Variants in TARP observed in about 807,000 individuals in gnomAD.
the TARP span, chr7:38,265,580 G>A: frequency 2.5e-6 from 4 of 1,611,902 alleles, 1 homozygote; most frequent in African/African-American, 5.4e-5. Context: ...AATTTCTCAA[G>A]AAGACAAAGG....
the TARP span, chr7:38,259,902 T>C: frequency 6.8e-6 from 4 of 586,962 alleles, 1 homozygote; most frequent in Non-Finnish European, 1.2e-5. Flanking sequence ...TCCTCATTGT[T>C]ATTACAGAGT....
the TARP span, among the ~76,000 whole-genome samples, chr7:38,262,523 C>A: frequency 6.6e-6 from 1 of 151,606 alleles, no homozygotes; most frequent in African/African-American, 2.4e-5. Flanking sequence ...ATAGTGACTG[C>A]CACAAAGTAT....
At chr7:38,266,224 T>C in the TARP span, among the ~76,000 whole-genome samples, 1 of 151,800 alleles carries the variant, frequency 6.6e-6, no homozygotes, top group Non-Finnish European at 1.5e-5. Flanking sequence ...CAATTTCGTG[T>C]ACTCCCACTC....
the TARP span, among the ~76,000 whole-genome samples, chr7:38,261,168 C>T: frequency 6.6e-6 from 1 of 151,576 alleles, no homozygotes; most frequent in Non-Finnish European, 1.5e-5. Flanking sequence ...GTCTGCAAAG[C>T]CCATGCACCC....
At chr7:38,272,539 CA>C in the TARP span, among the ~76,000 whole-genome samples, 2 of 141,742 alleles carry the variant, frequency 1.4e-5, no homozygotes, top group Non-Finnish European at 3.0e-5. Flanking sequence ...AAACAAAAAG[CA>C]GAGAAAAATG....
chr7:38,268,890 G>T, the TARP span, among the ~76,000 whole-genome samples: 3 of 151,162 alleles, frequency 2.0e-5, no homozygotes, highest in Non-Finnish European at 2.9e-5. Context: ...CTTTACATGT[G>T]AATCCAGAAA....
the TARP span, chr7:38,273,531 C>A: frequency 7.3e-7 from 1 of 1,371,966 alleles, no homozygotes; most frequent in South Asian, 1.2e-5. Flanking sequence ...TGAGCCAGCT[C>A]CTGCCTGCCA....
chr7:38,261,221 T>C, the TARP span, among the ~76,000 whole-genome samples: 1 of 151,726 alleles, frequency 6.6e-6, no homozygotes, highest in African/African-American at 2.4e-5. Context: ...GGTTCCTGGC[T>C]TGGTAATTTC....
the TARP span, among the ~76,000 whole-genome samples, chr7:38,270,249 A>G: frequency 2.6e-5 from 4 of 152,094 alleles, no homozygotes; most frequent in South Asian, 8.3e-4. Flanking sequence ...AAAATTCAGC[A>G]TTTTGGAGTG....
the TARP span, among the ~76,000 whole-genome samples, chr7:38,266,750 C>A: frequency 6.6e-6 from 1 of 151,842 alleles, no homozygotes; most frequent in African/African-American, 2.4e-5. Flanking sequence ...CTTTATATAA[C>A]ATCTCAATTT....
the TARP span, among the ~76,000 whole-genome samples, chr7:38,261,883 A>G: frequency 5.7e-4 from 81 of 142,200 alleles, no homozygotes; most frequent in Admixed American, 5.6e-3. Context: ...AAAAAAAAAA[A>G]AAAGAAAAGA....
At chr7:38,271,548 G>GA in the TARP span, among the ~76,000 whole-genome samples, 3 of 147,714 alleles carry the variant, frequency 2.0e-5, no homozygotes, top group Admixed American at 6.8e-5. Flanking sequence ...CTGGTAAAAG[G>GA]AAAAAAAAAG....
the TARP span, among the ~76,000 whole-genome samples, chr7:38,264,934 T>C: frequency 2.9e-3 from 442 of 151,778 alleles, no homozygotes; most frequent in African/African-American, 0.01. Context: ...TGAGTGACTC[T>C]CCTGCTTGGG....
the TARP span, chr7:38,262,095 T>A: frequency 7.8e-7 from 1 of 1,285,892 alleles, no homozygotes; most frequent in South Asian, 1.2e-5. Flanking sequence ...CCTAGCAAAA[T>A]CCATTCCCTG....
chr7:38,260,614 G>T, the TARP span, among the ~76,000 whole-genome samples: 9 of 151,848 alleles, frequency 5.9e-5, no homozygotes, highest in African/African-American at 2.2e-4. Flanking sequence ...ATTATTTGAG[G>T]TTTTGCAAGA....
At chr7:38,272,524 C>T in the TARP span, among the ~76,000 whole-genome samples, 1 of 138,852 alleles carries the variant, frequency 7.2e-6, no homozygotes, top group South Asian at 2.5e-4. Flanking sequence ...CTTTGTAAAA[C>T]AAACAAACAA....
chr7:38,262,845 G>A, the TARP span, among the ~76,000 whole-genome samples: 9 of 151,306 alleles, frequency 5.9e-5, no homozygotes, highest in Non-Finnish European at 1.3e-4. Context: ...TTTTTGTAGA[G>A]ACAGGGTTTC....
chr7:38,261,043 C>A, the TARP span, among the ~76,000 whole-genome samples: 1 of 151,862 alleles, frequency 6.6e-6, no homozygotes, highest in Admixed American at 6.6e-5. Context: ...GCCTTTATCT[C>A]TTCAATAACT....
chr7:38,269,783 A>G, the TARP span, among the ~76,000 whole-genome samples: 1 of 152,040 alleles, frequency 6.6e-6, no homozygotes, highest in African/African-American at 2.4e-5. Flanking sequence ...AAATGAAACA[A>G]GATATAAAAA....
Sources: gnomAD v4.1 joint callset for allele counts (sites outside exome capture counted in the v4.1 genomes callset) on GRCh38, gnomAD v4.1.1 for gene constraint, MANE v1.5 for transcripts.